FSTL5: variants seen among roughly 807,000 people sequenced by gnomAD.
FSTL5 encodes follistatin like 5.
In FSTL5, 62 loss-of-function variants were observed where a neutral mutation model predicts 89.1. The ratio of observed to expected loss-of-function variants is 0.70; its 90% confidence interval spans 0.57 to 0.86. FSTL5 has a LOEUF of 0.86. Among genes scored for constraint, FSTL5 ranks in the 40% least tolerant of loss-of-function variants. FSTL5 has a pLI of 0.00. For synonymous variants in FSTL5, 383 were observed against 346.2 expected (o/e 1.11, Z -1.18); for missense variants, 1,057 against 1,001.6 (o/e 1.06, Z -0.75).
intron 6 of FSTL5, among the ~76,000 whole-genome samples, chr4:161,729,171 C>A (rs951724274): frequency 6.6e-5 from 10 of 152,322 alleles, no homozygotes; most frequent in African/African-American, 4.8e-5. Flanking sequence ...TGAACCCTTA[C>A]CGCCTCCCCT....
At chr4:161,971,725 C>A (rs1455046570) in intron 3 of FSTL5, among the ~76,000 whole-genome samples, 1 of 152,144 alleles carries the variant, frequency 6.6e-6, no homozygotes, top group African/African-American at 2.4e-5. Flanking sequence ...GCAAAAGACA[C>A]TAGTTATAGA....
At chr4:161,774,319 G>C (rs947637692) in intron 5 of FSTL5, among the ~76,000 whole-genome samples, 2 of 152,160 alleles carry the variant, frequency 1.3e-5, no homozygotes, top group African/African-American at 4.8e-5. Flanking sequence ...CCACTTCCAA[G>C]TTCAGAGGAA....
intron 4 of FSTL5, among the ~76,000 whole-genome samples, chr4:161,860,074 G>A (rs1731853171): frequency 1.3e-5 from 2 of 152,106 alleles, no homozygotes; most frequent in Admixed American, 1.3e-4. Flanking sequence ...GGATCACAAG[G>A]TCAGGAGATC....
chr4:161,409,972 G>A (rs1434829825), intron 15 of FSTL5, among the ~76,000 whole-genome samples: 1 of 152,124 alleles, frequency 6.6e-6, no homozygotes, highest in Non-Finnish European at 1.5e-5. Flanking sequence ...CCATCCATCT[G>A]CTCTCCTCAA....
chr4:161,974,347 A>C (rs1229766609), intron 3 of FSTL5, among the ~76,000 whole-genome samples: 1 of 151,738 alleles, frequency 6.6e-6, no homozygotes, highest in African/African-American at 2.4e-5. Context: ...CCTGACTTCA[A>C]ACTATACTAC....
rs115109201 is a variant in FSTL5 at position 161,782,473 on chromosome 4, C to T, written c.410-6399G>A. 5.5e-3 allele frequency among the ~76,000 whole-genome samples: 842 copies of T among 152,076 alleles called. 9 individuals are homozygous for T. The highest frequency in any genetic ancestry group is 0.019 in the African/African-American group (795 of 41,490). On this transcript the variant is annotated intron_variant, in intron 4 of 15. Transcript: ENST00000306100. The stretch of plus-strand genomic sequence containing the variant: ...AGTGGTAGTTCCTTCTGTTTTAGAG[C>T]GGATTATTTTAGTTCATAAGTGATT...
intron 4 of FSTL5, among the ~76,000 whole-genome samples, chr4:161,917,146 C>T (rs951178733): frequency 3.3e-5 from 5 of 152,160 alleles, no homozygotes; most frequent in East Asian, 1.9e-4. Context: ...TTAGTAGAGA[C>T]GGGGTTTCAC....
At chr4:162,002,910 C>T (rs1430989868) in intron 3 of FSTL5, among the ~76,000 whole-genome samples, 6 of 151,800 alleles carry the variant, frequency 4.0e-5, no homozygotes, top group Non-Finnish European at 5.9e-5. Context: ...TTTGGGAGGC[C>T]GAGGCGGGCA....
chr4:161,670,410 G>T (rs145801584), intron 6 of FSTL5, among the ~76,000 whole-genome samples: 1 of 152,070 alleles, frequency 6.6e-6, no homozygotes, highest in Non-Finnish European at 1.5e-5. Context: ...TGTTGGAGTC[G>T]ATCAAATGAC....
rs910530328 is a variant in FSTL5 at position 161,701,671 on chromosome 4, A to G, written c.728-45177T>C. 2.0e-5 allele frequency among the ~76,000 whole-genome samples: 3 copies of G among 152,112 alleles called. No individual in the cohort carries two copies. In the South Asian group the frequency reaches 6.2e-4, roughly 31 times the overall value. On this transcript the variant is annotated intron_variant, in intron 6 of 15. Transcript: ENST00000306100. ...TCATCCTGACCAATGGTAATGTTCT[A>G]AGCAAATGCTCCTTGCTATTCAAAA...
At position 161,992,458 on chromosome 4, in the gene FSTL5, G is replaced by A. The variant is rs182276145; in HGVS notation, c.160+41167C>T. 2.5e-3 allele frequency among the ~76,000 whole-genome samples: 374 copies of A among 152,232 alleles called. 4 individuals are homozygous for A. The South Asian group carries it at 0.027, about 11-fold the overall frequency. Reference sequence around the variant, plus strand: ...TGATTACAAGAATTAACTGAGCACAGAGAAGGAAGGAGTAACCATTAATTG... The same window carrying A: ...TGATTACAAGAATTAACTGAGCACAAAGAAGGAAGGAGTAACCATTAATTG... On this transcript the variant is annotated intron_variant, in intron 3 of 15. Transcript: ENST00000306100.
At chr4:161,889,483 A>C (rs1732918918) in intron 4 of FSTL5, among the ~76,000 whole-genome samples, 1 of 152,066 alleles carries the variant, frequency 6.6e-6, no homozygotes. Flanking sequence ...ATCTCTACTA[A>C]AAACACAAAA....
rs575488247 is a variant in FSTL5 at position 161,894,647 on chromosome 4, T to C, written c.409+25757A>G. ...GCATGTGCTGCCATGCCTGGGAAAT[T>C]TTTGTATTTTTAGTAGCGATGAGGG... On this transcript the variant is annotated intron_variant, in intron 4 of 15. Coordinates refer to ENST00000306100, the MANE Select transcript of FSTL5 (RefSeq NM_020116.5). Among the ~76,000 whole-genome samples the C allele has an allele frequency of 5.3e-5, 8 of 152,160 alleles. No homozygotes were observed. The South Asian group carries it at 1.7e-3, about 32-fold the overall frequency.
chr4:161,482,698 T>C (rs114791456), intron 12 of FSTL5, among the ~76,000 whole-genome samples: 1 of 152,322 alleles, frequency 6.6e-6, no homozygotes, highest in African/African-American at 2.4e-5. Flanking sequence ...ATAACCATCA[T>C]AGGTGGTTTT....
intron 1 of FSTL5, among the ~76,000 whole-genome samples, chr4:162,159,291 T>G (rs1030967972): frequency 1.3e-5 from 2 of 152,082 alleles, no homozygotes; most frequent in African/African-American, 4.8e-5. Flanking sequence ...GGTGCTACAT[T>G]CACAGAGAAA....
rs114118241 is a variant in FSTL5 at position 162,149,065 on chromosome 4, C to A, written c.-17+14550G>T. 4.7e-3 allele frequency among the ~76,000 whole-genome samples: 712 copies of A among 152,316 alleles called. 1 individual carries two copies. The highest frequency in any genetic ancestry group is 8.1e-3 in the Non-Finnish European group (554 of 68,032). ...TGTCATTTACCATGTGATCATGGCTCTGTGGCCCACAGAGTTCTAATATTC... is the reference window on the plus strand; with the variant it reads ...TGTCATTTACCATGTGATCATGGCTATGTGGCCCACAGAGTTCTAATATTC... On this transcript the variant is annotated intron_variant, in intron 1 of 15. Coordinates refer to ENST00000306100, the MANE Select transcript of FSTL5 (RefSeq NM_020116.5).
At chr4:161,954,006 G>C (rs1273389058) in intron 3 of FSTL5, among the ~76,000 whole-genome samples, 1 of 151,544 alleles carries the variant, frequency 6.6e-6, no homozygotes, top group African/African-American at 2.4e-5. Flanking sequence ...ATGCTAAATG[G>C]ACCACAGAAT....
intron 3 of FSTL5, among the ~76,000 whole-genome samples, chr4:161,949,270 A>G (rs1734823235): frequency 6.6e-6 from 1 of 152,192 alleles, no homozygotes; most frequent in African/African-American, 2.4e-5. Context: ...ATAATCCAGA[A>G]TAATCTCCCC....
intron 2 of FSTL5, among the ~76,000 whole-genome samples, chr4:162,044,524 A>G (rs1738098263): frequency 6.6e-6 from 1 of 152,162 alleles, no homozygotes. Flanking sequence ...CATTTGTTTC[A>G]ACTTAAATGC....
Sources: allele counts gnomAD v4.1 joint callset (sites outside exome capture counted in the v4.1 genomes callset), GRCh38; gene constraint gnomAD v4.1.1; transcripts MANE v1.5; gene names NCBI Gene and HGNC (gene_info 2026-07-23, HGNC 2026-07-21).